VCX3A: variants seen among roughly 807,000 people sequenced by gnomAD.
The protein encoded by VCX3A is variable charge X-linked 3A, also known as variable charge X-linked protein 3.
For synonymous variants in VCX3A, 6 were observed against 69.9 expected (o/e 0.09, Z 4.56); for missense variants, 37 against 151.4 (o/e 0.24, Z 3.97).
At chrX:6,534,890 C>T (rs1447292993) in intron 1 of VCX3A, 68 bp downstream of exon 1, 1 of 153,659 alleles carries the variant, frequency 6.5e-6, no homozygotes, top group Non-Finnish European at 1.1e-5. Context: ...TTCCCCCGGA[C>T]CTCCCATTCA....
In VCX3A at chrX:6,535,106, C is replaced by T. The variant is rs1299465583; in HGVS notation, c.-295G>A. ...AACTTTTCCATCTCACATACTTCTC[C>T]CAGCATCCACATAGTGCCTCACAAT... On this transcript the variant is annotated 5_prime_UTR_variant, in exon 1 of 3. Coordinates refer to ENST00000381089, the MANE Select transcript of VCX3A (RefSeq NM_016379.4). The T allele has an allele frequency of 1.7e-5, 2 of 114,512 alleles. No homozygotes were observed. The highest frequency in any genetic ancestry group is 3.6e-5 in the Non-Finnish European group (2 of 55,183). The allele number at this position is 114,512 out of a possible 1,213,427, so 9.4% of individuals were successfully genotyped here. A position where few individuals can be genotyped will look rare whatever the true frequency, so the allele number is the denominator to read the frequency against.
Position 6,533,771 on chromosome X carries a change from CGCTCTCCTG to C in VCX3A, c.526_534del (p.Gln176_Ser178del). On this transcript the variant is annotated inframe_deletion, in exon 3 of 3. Transcript: ENST00000381089. ...TACACACTCGGTAGTTCTTCCATCT[CGCTCTCCTG>C]ACTCAGTGGTTCCTCCACCTGGCTC... 8.7e-7 allele frequency: 1 copy of C among 1,147,737 alleles called. No homozygotes were observed. Among genetic ancestry groups the C allele is most frequent in the South Asian group, 1.9e-5 (1 of 52,672 alleles). The allele number at this position is 1,147,737 out of a possible 1,213,427, so 94.6% of individuals were successfully genotyped here. A position where few individuals can be genotyped will look rare whatever the true frequency, so the allele number is the denominator to read the frequency against.
rs1229566422 is a variant in VCX3A, at chrX:6,533,928, C to T, written c.378G>A (p.Gln126=). The change falls in exon 3 of 3, where the codon CAG becomes CAA. Residue 126 remains glutamine, a synonymous_variant. Transcript: ENST00000381089. Reference sequence around the variant, plus strand: ...TCAGTGGTTCCTCCACCTGGCTCTCCTGACTCAGTGGTTCTTCCACCTCGC... The same window carrying T: ...TCAGTGGTTCCTCCACCTGGCTCTCTTGACTCAGTGGTTCTTCCACCTCGC... ...QESEVEEPLS[Q]ESQVEEPLSQ... The T allele has an allele frequency of 1.7e-6, 2 of 1,178,204 alleles. No homozygotes were observed. Among genetic ancestry groups the T allele is most frequent in the African/African-American group, 3.9e-5 (2 of 51,428 alleles).
intron 1 of VCX3A, 33 bp downstream of exon 1, chrX:6,534,925 C>T (rs1272329424): frequency 6.1e-6 from 1 of 163,341 alleles, no homozygotes; most frequent in East Asian, 1.9e-4. Flanking sequence ...TCCTCCACAC[C>T]TGCCATCATT....
rs77413590 is a variant in VCX3A, at chrX:6,533,736, G to T, written c.*9C>A. Reference sequence around the variant, plus strand: ...CGCTGCTCTCGGAGATAGGGGAGTAGCTGGCCGTCTACACACTCGGTAGTT... The same window carrying T: ...CGCTGCTCTCGGAGATAGGGGAGTATCTGGCCGTCTACACACTCGGTAGTT... On this transcript the variant is annotated 3_prime_UTR_variant, in exon 3 of 3. Coordinates refer to ENST00000381089, the MANE Select transcript of VCX3A (RefSeq NM_016379.4). 4 of 995,114 alleles carry T rather than the reference G, an allele frequency of 4.0e-6. No individual in the cohort carries two copies. Among genetic ancestry groups the T allele is most frequent in the Admixed American group, 5.9e-5 (2 of 33,695 alleles). The allele number at this position is 995,114 out of a possible 1,213,427, so 82.0% of individuals were successfully genotyped here.
rs763476497 is a variant in VCX3A, at chrX:6,533,782, C to T, written c.524G>A (p.Ser175Asn). 1 of 1,139,010 alleles carries T rather than the reference C, an allele frequency of 8.8e-7. No homozygotes were observed. Among genetic ancestry groups the T allele is most frequent in the South Asian group, 1.9e-5 (1 of 52,185 alleles). 93.9% of individuals were successfully genotyped at this position (1,139,010 alleles called of 1,213,427 possible). Reference sequence around the variant, plus strand: ...TAGTTCTTCCATCTCGCTCTCCTGACTCAGTGGTTCCTCCACCTGGCTCTC... The same window carrying T: ...TAGTTCTTCCATCTCGCTCTCCTGATTCAGTGGTTCCTCCACCTGGCTCTC... ...SQESQVEEPL[S>N]QESEMEELPS... Residue 175 changes from serine (S) to asparagine (N), a missense_variant, in exon 3 of 3, where the codon AGT becomes AAT. Physicochemically the swap from Ser to Asn is conservative, Grantham distance 46. Transcript: ENST00000381089.
chrX:6,534,805 A>C (rs1271565909), intron 1 of VCX3A, among the ~76,000 whole-genome samples, 153 bp downstream of exon 1: 2 of 94,467 alleles, frequency 2.1e-5, no homozygotes, highest in African/African-American at 8.5e-5. Flanking sequence ...CCAAACTGAC[A>C]TGTCACCCCT....
intron 1 of VCX3A, 62 bp from the exon 2 acceptor site, chrX:6,534,705 G>A (rs1331963373): frequency 4.7e-5 from 16 of 338,826 alleles, no homozygotes; most frequent in South Asian, 2.3e-4. Context: ...GGATGAAGTC[G>A]GGGGCGGGGG....
Position 6,533,658 on chromosome X carries a change from A to T in VCX3A, c.*87T>A, listed in dbSNP as rs753620168. Reference sequence around the variant, plus strand: ...TTCATTTTATTATCTTCAGAATGGCAAGCACCCCGCTGGTGAGATCTCTGA... The same window carrying T: ...TTCATTTTATTATCTTCAGAATGGCTAGCACCCCGCTGGTGAGATCTCTGA... On this transcript the variant is annotated 3_prime_UTR_variant, in exon 3 of 3. Transcript: ENST00000381089. 8.7e-7 allele frequency: 1 copy of T among 1,153,794 alleles called. No homozygotes were observed. Among genetic ancestry groups the T allele is most frequent in the Middle Eastern group, 3.1e-4 (1 of 3,265 alleles).
chrX:6,533,693 G>T lies in VCX3A; in HGVS notation c.*52C>A, dbSNP rs768352662. ...CTGGTGAGATCTCTGAGGTCTGGCG[G>T]CTGGGCCTGAACTTAGTCGCTGCTC... On this transcript the variant is annotated 3_prime_UTR_variant, in exon 3 of 3. Transcript: ENST00000381089. 4.3e-5 allele frequency: 51 copies of T among 1,178,099 alleles called. No homozygotes were observed. The highest frequency in any genetic ancestry group is 5.6e-5 in the Non-Finnish European group (49 of 877,859).
Position 6,533,689 on chromosome X carries a change from G to T in VCX3A, c.*56C>A, listed in dbSNP as rs754063196. On this transcript the variant is annotated 3_prime_UTR_variant, in exon 3 of 3. Coordinates refer to ENST00000381089, the MANE Select transcript of VCX3A (RefSeq NM_016379.4). ...CCCGCTGGTGAGATCTCTGAGGTCT[G>T]GCGGCTGGGCCTGAACTTAGTCGCT... 2 of 1,182,948 alleles carry T rather than the reference G, an allele frequency of 1.7e-6. No individual in the cohort carries two copies. Among genetic ancestry groups the T allele is most frequent in the Non-Finnish European group, 2.3e-6 (2 of 879,868 alleles).
Position 6,533,700 on chromosome X carries a change from C to G in VCX3A, c.*45G>C, listed in dbSNP as rs766284476. 1 of 1,185,285 alleles carries G rather than the reference C, an allele frequency of 8.4e-7. No individual in the cohort carries two copies. ...GATCTCTGAGGTCTGGCGGCTGGGCCTGAACTTAGTCGCTGCTCTCGGAGA... is the reference window on the plus strand; with the variant it reads ...GATCTCTGAGGTCTGGCGGCTGGGCGTGAACTTAGTCGCTGCTCTCGGAGA... On this transcript the variant is annotated 3_prime_UTR_variant, in exon 3 of 3. Coordinates refer to ENST00000381089, the MANE Select transcript of VCX3A (RefSeq NM_016379.4).
chrX:6,534,353 G>A (rs1921798842), intron 2 of VCX3A, 43 bp downstream of exon 2: 2 of 486,765 alleles, frequency 4.1e-6, no homozygotes, highest in Non-Finnish European at 6.1e-6. Flanking sequence ...TGTGAGGAAG[G>A]AGGCGAGGGG....
At chrX:6,534,718 G>T (rs941331780) in intron 1 of VCX3A, 75 bp from the exon 2 acceptor site, 9 of 333,931 alleles carry the variant, frequency 2.7e-5, no homozygotes, top group Non-Finnish European at 4.5e-5. Flanking sequence ...GGCGGGGGGG[G>T]GTGACATCTA....
chrX:6,533,755 G>T lies in VCX3A; in HGVS notation c.551C>A (p.Pro184Gln), dbSNP rs745718125. 3 of 1,197,111 alleles carry T rather than the reference G, an allele frequency of 2.5e-6. No individual in the cohort carries two copies. Among genetic ancestry groups the T allele is most frequent in the Non-Finnish European group, 1.1e-6 (1 of 889,872 alleles). The change falls in exon 3 of 3, where the codon CCG becomes CAG. Residue 184 changes from proline to glutamine, a missense_variant. Pro to Gln is a moderately conservative substitution (Grantham distance 76). Transcript: ENST00000381089. ...LSQESEMEEL[P>Q]SV The stretch of plus-strand genomic sequence containing the variant: ...GGAGTAGCTGGCCGTCTACACACTC[G>T]GTAGTTCTTCCATCTCGCTCTCCTG...
rs776357633 is a variant in VCX3A at position 6,533,694 on chromosome X, C to T, written c.*51G>A. The T allele has an allele frequency of 8.4e-7, 1 of 1,183,905 alleles. No individual in the cohort carries two copies. Among genetic ancestry groups the T allele is most frequent in the South Asian group, 1.8e-5 (1 of 55,348 alleles). On this transcript the variant is annotated 3_prime_UTR_variant, in exon 3 of 3. Transcript: ENST00000381089. ...TGGTGAGATCTCTGAGGTCTGGCGGCTGGGCCTGAACTTAGTCGCTGCTCT... is the reference window on the plus strand; with the variant it reads ...TGGTGAGATCTCTGAGGTCTGGCGGTTGGGCCTGAACTTAGTCGCTGCTCT...
rs762821361 is a variant in VCX3A, at chrX:6,533,683, A to G, written c.*62T>C. On this transcript the variant is annotated 3_prime_UTR_variant, in exon 3 of 3. Coordinates refer to ENST00000381089, the MANE Select transcript of VCX3A (RefSeq NM_016379.4). ...AAGCACCCCGCTGGTGAGATCTCTGAGGTCTGGCGGCTGGGCCTGAACTTA... is the reference window on the plus strand; with the variant it reads ...AAGCACCCCGCTGGTGAGATCTCTGGGGTCTGGCGGCTGGGCCTGAACTTA... 7.6e-6 allele frequency: 9 copies of G among 1,181,068 alleles called. No individual in the cohort carries two copies. The South Asian group carries it at 1.6e-4, about 21-fold the overall frequency.
In VCX3A at chrX:6,533,692, G is replaced by A. The variant is rs1058248; in HGVS notation, c.*53C>T. ...GCTGGTGAGATCTCTGAGGTCTGGC[G>A]GCTGGGCCTGAACTTAGTCGCTGCT... On this transcript the variant is annotated 3_prime_UTR_variant, in exon 3 of 3. Coordinates refer to ENST00000381089, the MANE Select transcript of VCX3A (RefSeq NM_016379.4). 3.6e-4 allele frequency: 418 copies of A among 1,177,307 alleles called. No homozygotes were observed. The African/African-American group carries it at 5.4e-3, about 15-fold the overall frequency.
At position 6,533,635 on chromosome X, in the gene VCX3A, CATTTT is replaced by C. The variant is rs1921726903; in HGVS notation, c.*105_*109del. 1 of 1,073,974 alleles carries C rather than the reference CATTTT, an allele frequency of 9.3e-7. No individual in the cohort carries two copies. Among genetic ancestry groups the C allele is most frequent in the Non-Finnish European group, 1.2e-6 (1 of 805,395 alleles). The allele number at this position is 1,073,974 out of a possible 1,213,427, so 88.5% of individuals were successfully genotyped here. On this transcript the variant is annotated 3_prime_UTR_variant, in exon 3 of 3. Transcript: ENST00000381089. The stretch of plus-strand genomic sequence containing the variant: ...CACTCAGATCAATTTGCAACACATT[CATTTT>C]ATTATCTTCAGAATGGCAAGCACCC...
Sources: gnomAD v4.1 joint callset for allele counts (sites outside exome capture counted in the v4.1 genomes callset) on GRCh38, gnomAD v4.1.1 for gene constraint, MANE v1.5 for transcripts, NCBI Gene and HGNC (gene_info 2026-07-23, HGNC 2026-07-21) for gene names.